The following NKIRAS2 variants were observed in gnomAD, a reference collection of about 807,000 sequenced individuals.
NKIRAS2 encodes NF-kappa-B inhibitor-interacting Ras-like protein 2.
A neutral mutation model predicts 20.7 loss-of-function variants in NKIRAS2; 15 were observed. The observed-to-expected ratio is 0.73, with a 90% CI of 0.49 to 1.12. NKIRAS2 has a LOEUF of 1.12. NKIRAS2 is among the 50% of genes most tolerant of loss of function. The probability of loss-of-function intolerance (pLI) is 0.00; values close to 1 mark genes in which losing one functional copy is unlikely to be tolerated. For missense variants in NKIRAS2, 196 were observed against 249.6 expected, an observed-to-expected ratio of 0.79 and a Z score of 1.45; for synonymous variants, 116 against 101.4, an observed-to-expected ratio of 1.14 and a Z score of -0.87.
At chr17:42,022,745 T>G (rs2052487500) in intron 3 of NKIRAS2, 105 bp downstream of exon 3, 1 of 1,415,346 alleles carries the variant, frequency 7.1e-7, no homozygotes, top group Non-Finnish European at 9.5e-7. Flanking sequence ...CCAAGGTGAG[T>G]TAGGAGCCAG....
rs782532908 is a variant in NKIRAS2, at chr17:42,024,774, GA to G, written c.*883del. 1 of 50,262 alleles carries G rather than the reference GA, an allele frequency of 2.0e-5. No individual in the cohort carries two copies. Among genetic ancestry groups the G allele is most frequent in the Non-Finnish European group, 5.1e-5 (1 of 19,512 alleles). 3.1% of individuals were successfully genotyped at this position (50,262 alleles called of 1,614,324 possible). ...GGTCAACAGAGCAAGACTCCATCTC[GA>G]AGAAAAAAAAAAAAAATTCCCCACC... On this transcript the variant is annotated 3_prime_UTR_variant, in exon 4 of 4. Coordinates refer to ENST00000393885, the MANE Select transcript of NKIRAS2 (RefSeq NM_017595.6).
rs1381851833 is a variant in NKIRAS2 at position 42,020,106 on chromosome 17, C to G, written c.-113C>G. 1 of 152,374 alleles carries G rather than the reference C, an allele frequency of 6.6e-6. No homozygotes were observed. Among genetic ancestry groups the G allele is most frequent in the Non-Finnish European group, 1.5e-5 (1 of 68,156 alleles). The allele number at this position is 152,374 out of a possible 1,614,324, so 9.4% of individuals were successfully genotyped here. A position where few individuals can be genotyped will look rare whatever the true frequency, so the allele number is the denominator to read the frequency against. ...GGGCGGGGCCTGGAGGAGCCTACACCGACTCTGGAGGAAGACTGGAGCCTT... is the reference window on the plus strand; with the variant it reads ...GGGCGGGGCCTGGAGGAGCCTACACGGACTCTGGAGGAAGACTGGAGCCTT... On this transcript the variant is annotated 5_prime_UTR_variant, in exon 1 of 4. Transcript: ENST00000393885.
In NKIRAS2 at chr17:42,020,104, A is replaced by G. The variant is rs2052401635; in HGVS notation, c.-115A>G. On this transcript the variant is annotated 5_prime_UTR_variant, in exon 1 of 4. Coordinates refer to ENST00000393885, the MANE Select transcript of NKIRAS2 (RefSeq NM_017595.6). ...GGGGGCGGGGCCTGGAGGAGCCTAC[A>G]CCGACTCTGGAGGAAGACTGGAGCC... 1 of 152,320 alleles carries G rather than the reference A, an allele frequency of 6.6e-6. No homozygotes were observed. 9.4% of individuals were successfully genotyped at this position (152,320 alleles called of 1,614,324 possible).
chr17:42,021,815 C>G (rs781869033), intron 2 of NKIRAS2, 144 bp downstream of exon 2: 4 of 815,882 alleles, frequency 4.9e-6, no homozygotes, highest in Non-Finnish European at 8.7e-6. Flanking sequence ...CAGATCAACT[C>G]TACAACACTG....
At chr17:42,022,218 A>G (rs1028117979) in intron 2 of NKIRAS2, 181 bp from the exon 3 acceptor site, 10 of 650,536 alleles carry the variant, frequency 1.5e-5, no homozygotes, top group South Asian at 4.1e-5. Context: ...TCAAAAAAAG[A>G]AAGAAATTAA....
Position 42,021,598 on chromosome 17 carries a change from G to A in NKIRAS2, c.21G>A (p.Val7=), listed in dbSNP as rs1555653038. The change falls in exon 2 of 4, where the codon GTG becomes GTA. Residue 7 remains valine (V), a synonymous_variant. Transcript: ENST00000393885. ...TAAGCATGGGGAAGAGCTGCAAGGT[G>A]GTCGTGTGTGGCCAGGCGTCTGTGG... MGKSCK[V]VVCGQASVGK... 6.2e-7 allele frequency: 1 copy of A among 1,614,056 alleles called. No homozygotes were observed. The highest frequency in any genetic ancestry group is 1.3e-5 in the African/African-American group (1 of 74,932).
At position 42,024,228 on chromosome 17, in the gene NKIRAS2, C is replaced by T. The variant is rs1008222978; in HGVS notation, c.*335C>T. Reference sequence around the variant, plus strand: ...CACGCAGCAGTGTCCCTTCTTGGGTCTGAGTTCCTATTATAGGTAGGGGCC... The same window carrying T: ...CACGCAGCAGTGTCCCTTCTTGGGTTTGAGTTCCTATTATAGGTAGGGGCC... On this transcript the variant is annotated 3_prime_UTR_variant, in exon 4 of 4. Transcript: ENST00000393885. 3 of 330,792 alleles carry T rather than the reference C, an allele frequency of 9.1e-6. No homozygotes were observed. The highest frequency in any genetic ancestry group is 1.7e-5 in the Non-Finnish European group (3 of 173,876). The allele number at this position is 330,792 out of a possible 1,614,324, so 20.5% of individuals were successfully genotyped here.
rs2052542753 is a variant in NKIRAS2 at position 42,024,996 on chromosome 17, T to C, written c.*1103T>C. The C allele has an allele frequency of 6.6e-6, 1 of 152,496 alleles. No individual in the cohort carries two copies. The allele number at this position is 152,496 out of a possible 1,614,324, so 9.4% of individuals were successfully genotyped here. A position where few individuals can be genotyped will look rare whatever the true frequency, so the allele number is the denominator to read the frequency against. On this transcript the variant is annotated 3_prime_UTR_variant, in exon 4 of 4. Coordinates refer to ENST00000393885, the MANE Select transcript of NKIRAS2 (RefSeq NM_017595.6). ...GATGATCTCCTAGATCCTTTCCAGT[T>C]CTCTTGATTTCGTAAAGCCAATGGC...
chr17:42,022,931 A>G lies in NKIRAS2; in HGVS notation c.336+291A>G, dbSNP rs1001904681. 2.8e-5 allele frequency: 10 copies of G among 359,018 alleles called. No homozygotes were observed. In the East Asian group the frequency reaches 5.2e-4, roughly 19 times the overall value. 22.2% of individuals were successfully genotyped at this position (359,018 alleles called of 1,614,324 possible). Reference sequence around the variant, plus strand: ...ATGTATGAAGCCCCCACTTAGTTGTATGAAGTCCCCACATAGTTGTCCTTC... The same window carrying G: ...ATGTATGAAGCCCCCACTTAGTTGTGTGAAGTCCCCACATAGTTGTCCTTC... On this transcript the variant is annotated intron_variant, in intron 3 of 3. Transcript: ENST00000393885.
intron 3 of NKIRAS2, among the ~76,000 whole-genome samples, chr17:42,023,361 C>T (rs1283608892): frequency 3.9e-5 from 6 of 152,214 alleles, no homozygotes; most frequent in African/African-American, 1.4e-4. Context: ...AGTGCTTCCT[C>T]ACCTGTTGTT....
chr17:42,023,768 G>T lies in NKIRAS2; in HGVS notation c.451G>T (p.Val151Leu). 1 of 1,614,182 alleles carries T rather than the reference G, an allele frequency of 6.2e-7. No individual in the cohort carries two copies. Among genetic ancestry groups the T allele is most frequent in the Non-Finnish European group, 8.5e-7 (1 of 1,180,044 alleles). ...SEKVKLWEVS[V>L]ADRRSLLEPF... Reference sequence around the variant, plus strand: ...GAAGGTGAAGCTGTGGGAGGTGTCAGTGGCGGACCGGCGCTCCCTCCTGGA... The same window carrying T: ...GAAGGTGAAGCTGTGGGAGGTGTCATTGGCGGACCGGCGCTCCCTCCTGGA... Residue 151 changes from valine to leucine, a missense_variant, in exon 4 of 4, where the codon GTG becomes TTG. Coordinates refer to ENST00000393885, the MANE Select transcript of NKIRAS2 (RefSeq NM_017595.6).
At chr17:42,022,019 A>C in intron 2 of NKIRAS2, 3 of 523,090 alleles carry the variant, frequency 5.7e-6, no homozygotes, top group Non-Finnish European at 1.1e-5. Flanking sequence ...AGACCAGCCT[A>C]ACGAACTTGG....
At chr17:42,018,070 T>A (rs1169925269), upstream of NKIRAS2, among the ~76,000 whole-genome samples, 3 of 152,150 alleles carry the variant, frequency 2.0e-5, no homozygotes, top group Non-Finnish European at 2.9e-5. Flanking sequence ...GTCAGCCGCC[T>A]GGGAGTGCCA....
At chr17:42,020,352 T>C (rs1242938895) in intron 1 of NKIRAS2, 148 bp downstream of exon 1, 4 of 152,438 alleles carry the variant, frequency 2.6e-5, no homozygotes, top group Non-Finnish European at 4.4e-5. Flanking sequence ...CCCACTCTTA[T>C]GGTGTCCTTT....
upstream of NKIRAS2, chr17:42,017,606 G>C: frequency 1.5e-6 from 1 of 675,614 alleles, no homozygotes; most frequent in South Asian, 1.9e-5. Context: ...GCGCCGGGGC[G>C]GGAGCCCAGG....
At chr17:42,020,713 T>C (rs1030533784) in intron 1 of NKIRAS2, 1 of 152,252 alleles carries the variant, frequency 6.6e-6, no homozygotes, top group Non-Finnish European at 1.5e-5. Context: ...AATTGATTGT[T>C]GTCCAGATGA....
At chr17:42,023,122 GCCCC>G in intron 3 of NKIRAS2, 1 of 330,432 alleles carries the variant, frequency 3.0e-6, no homozygotes, top group Non-Finnish European at 6.2e-6. Flanking sequence ...TCCTGCCTCA[GCCCC>G]CTGCTAAGAC....
chr17:42,022,845 A>T (rs2052490879), intron 3 of NKIRAS2, among the ~76,000 whole-genome samples: 1 of 152,106 alleles, frequency 6.6e-6, no homozygotes, highest in African/African-American at 2.4e-5. Flanking sequence ...TTTGTGGTTT[A>T]AGGGGTCCCT....
intron 2 of NKIRAS2, chr17:42,022,032 A>T: frequency 2.0e-6 from 1 of 496,384 alleles, no homozygotes; most frequent in Non-Finnish European, 3.9e-6. Context: ...GAACTTGGAG[A>T]AACCCTGTCT....
Sources: gnomAD v4.1 joint callset for allele counts (sites outside exome capture counted in the v4.1 genomes callset) on GRCh38, gnomAD v4.1.1 for gene constraint, MANE v1.5 for transcripts, NCBI Gene and HGNC (gene_info 2026-07-23, HGNC 2026-07-21) for gene names.